The following WDR31 variants were observed in gnomAD, a reference collection of about 807,000 sequenced individuals.
WDR31 encodes the protein WD repeat-containing protein 31.
WDR31 carries 30 observed loss-of-function variants against 47.3 expected under a neutral mutation model. The ratio of observed to expected loss-of-function variants is 0.63; its 90% CI spans 0.47 to 0.86. WDR31 has a LOEUF of 0.86. Among genes scored for constraint, WDR31 ranks in the 40% least tolerant of loss-of-function variants. WDR31 has a pLI of 0.00. For missense variants in WDR31, 406 were observed against 442.9 expected, an observed-to-expected ratio of 0.92 and a Z score of 0.75; for synonymous variants, 137 against 159.4, an observed-to-expected ratio of 0.86 and a Z score of 1.06.
At chr9:113,321,708 G>A (rs1833331111) in intron 7 of WDR31, 130 bp from the exon 8 acceptor site, 1 of 834,046 alleles carries the variant, frequency 1.2e-6, no homozygotes. Flanking sequence ...TCATTTACAG[G>A]CATCTTAGGT....
chr9:113,331,698 C>T (rs568073908), intron 3 of WDR31, among the ~76,000 whole-genome samples: 3 of 152,302 alleles, frequency 2.0e-5, no homozygotes, highest in East Asian at 1.9e-4. Flanking sequence ...CTGTCCCCCT[C>T]GGGCTTCCAA....
At chr9:113,339,974 A>G (rs1833795259) in intron 1 of WDR31, among the ~76,000 whole-genome samples, 1 of 152,086 alleles carries the variant, frequency 6.6e-6, no homozygotes, top group African/African-American at 2.4e-5. Context: ...AGCTCAGGCA[A>G]TCCACCCGCC....
intron 5 of WDR31, among the ~76,000 whole-genome samples, chr9:113,326,214 T>G (rs967540273): frequency 6.6e-6 from 1 of 152,224 alleles, no homozygotes; most frequent in Non-Finnish European, 1.5e-5. Context: ...CCCGGCCCAT[T>G]CACATTCTTT....
chr9:113,325,433 T>C (rs12004577), intron 5 of WDR31, among the ~76,000 whole-genome samples: 4 of 152,126 alleles, frequency 2.6e-5, no homozygotes, highest in Non-Finnish European at 5.9e-5. Flanking sequence ...ATTTTCATTG[T>C]CTTCTTTTTC....
At chr9:113,320,286 A>ACAGGCATGAG in intron 9 of WDR31, 71 bp downstream of exon 9, 1 of 1,575,022 alleles carries the variant, frequency 6.3e-7, no homozygotes, top group Non-Finnish European at 8.6e-7. Context: ...TAGCACAGCT[A>ACAGGCATGAG]CAGGCATGAG....
At chr9:113,331,807 G>A (rs865778193) in intron 3 of WDR31, 100 bp downstream of exon 3, 1 of 1,080,620 alleles carries the variant, frequency 9.3e-7, no homozygotes, top group Admixed American at 2.1e-5. Flanking sequence ...CAACTATTCA[G>A]GGAAGGCCAT....
At chr9:113,333,379 T>A (rs1833642590) in intron 2 of WDR31, among the ~76,000 whole-genome samples, 1 of 140,956 alleles carries the variant, frequency 7.1e-6, no homozygotes, top group Non-Finnish European at 1.6e-5. Context: ...GATTTTTTTT[T>A]TTTTTTTTTT....
Position 113,316,668 on chromosome 9 carries a change from C to T in WDR31, c.*81G>A, listed in dbSNP as rs41276793. On this transcript the variant is annotated 3_prime_UTR_variant, in exon 11 of 11. Coordinates refer to ENST00000374193, the MANE Select transcript of WDR31 (RefSeq NM_001012361.4). ...GAATACCAGCCCTACATCCCACTCC[C>T]CTCAAGATAACTGGGAAAGACACAA... 6.5e-4 allele frequency: 979 copies of T among 1,511,500 alleles called. No homozygotes were observed. Among genetic ancestry groups the T allele is most frequent in the Non-Finnish European group, 8.4e-4 (947 of 1,121,084 alleles). 93.6% of individuals were successfully genotyped at this position (1,511,500 alleles called of 1,614,324 possible).
At chr9:113,327,280 T>C (rs2118820558) in intron 5 of WDR31, among the ~76,000 whole-genome samples, 1 of 152,386 alleles carries the variant, frequency 6.6e-6, no homozygotes, top group South Asian at 2.1e-4. Context: ...GCTTGTTATA[T>C]GTATATTTAA....
At chr9:113,336,163 T>C (rs1186387604) in intron 2 of WDR31, 125 bp downstream of exon 2, 1 of 152,222 alleles carries the variant, frequency 6.6e-6, no homozygotes, top group African/African-American at 2.4e-5. Flanking sequence ...TCACTGGAAA[T>C]TGCAGATGCT....
intron 5 of WDR31, among the ~76,000 whole-genome samples, chr9:113,326,487 G>A (rs1365215968): frequency 2.1e-5 from 3 of 143,320 alleles, no homozygotes; most frequent in African/African-American, 7.8e-5. Flanking sequence ...CTTTCTTTCT[G>A]ACTGGGTCTC....
chr9:113,329,896 G>T (rs1056588213), intron 4 of WDR31, among the ~76,000 whole-genome samples: 3 of 151,928 alleles, frequency 2.0e-5, no homozygotes, highest in Non-Finnish European at 4.4e-5. Context: ...CTGGAGAATC[G>T]CTTGAACCCA....
At position 113,328,866 on chromosome 9, in the gene WDR31, T is replaced by C; in HGVS notation, c.324+15A>G. Reference sequence around the variant, plus strand: ...CAGTTCCAGATTGCCTTCATAATAATCATTTGAAAATTACCTTGGTGATCT... The same window carrying C: ...CAGTTCCAGATTGCCTTCATAATAACCATTTGAAAATTACCTTGGTGATCT... On this transcript the variant is annotated intron_variant, in intron 5 of 10. Transcript: ENST00000374193. 6.2e-7 allele frequency: 1 copy of C among 1,604,176 alleles called. No individual in the cohort carries two copies. The highest frequency in any genetic ancestry group is 2.2e-5 in the East Asian group (1 of 44,842).
chr9:113,320,238 T>C, intron 9 of WDR31, 119 bp downstream of exon 9: 6 of 1,336,970 alleles, frequency 4.5e-6, no homozygotes, highest in Non-Finnish European at 6.1e-6. Context: ...CAGTATGCTT[T>C]TGAAAGAGGC....
In WDR31 at chr9:113,326,251, G is replaced by C. The variant is rs1398830811; in HGVS notation, c.324+2630C>G. ...ATAATATACCTTCAACTATATTATT[G>C]AGGAATGCTTTGCATATGGCAAGAT... On this transcript the variant is annotated intron_variant, in intron 5 of 10. Transcript: ENST00000374193. 3.3e-5 allele frequency among the ~76,000 whole-genome samples: 5 copies of C among 152,166 alleles called. No homozygotes were observed. In the East Asian group the frequency reaches 9.6e-4, roughly 29 times the overall value.
rs866623708 is a variant in WDR31 at position 113,331,006 on chromosome 9, C to T, written c.227G>A (p.Cys76Tyr). ...SVVAALNSDL[C>Y]VSGGKDKTVV... ...CACCTTATCTTTCCCTCCAGAGACACAAAGGTCTGAGTTCAAAGCAGCCAC... is the reference window on the plus strand; with the variant it reads ...CACCTTATCTTTCCCTCCAGAGACATAAAGGTCTGAGTTCAAAGCAGCCAC... Residue 76 changes from cysteine (C) to tyrosine (Y), a missense_variant, in exon 4 of 11, where the codon TGT (cysteine) becomes TAT (tyrosine). Physicochemically the swap from Cys to Tyr is radical, Grantham distance 194. Transcript: ENST00000374193. The T allele has an allele frequency of 2.5e-6, 4 of 1,609,484 alleles. No homozygotes were observed. The highest frequency in any genetic ancestry group is 1.3e-5 in the African/African-American group (1 of 74,870).
At chr9:113,330,078 A>G (rs2118834485) in intron 4 of WDR31, among the ~76,000 whole-genome samples, 1 of 152,292 alleles carries the variant, frequency 6.6e-6, no homozygotes. Flanking sequence ...AAGATTCTAA[A>G]AGGCTATTGA....
intron 9 of WDR31, 107 bp from the exon 10 acceptor site, chr9:113,318,744 C>T (rs1833265775): frequency 8.6e-7 from 1 of 1,161,110 alleles, no homozygotes. Context: ...CACTTACCTG[C>T]TCACGTAGCT....
Position 113,318,400 on chromosome 9 carries a change from T to C in WDR31, c.943+75A>G, listed in dbSNP as rs16932597. 3,540 of 1,567,022 alleles carry C rather than the reference T, an allele frequency of 2.3e-3. 99 individuals carry two copies. In the East Asian group the frequency reaches 0.066, roughly 29 times the overall value. On this transcript the variant is annotated intron_variant, in intron 10 of 10. Coordinates refer to ENST00000374193, the MANE Select transcript of WDR31 (RefSeq NM_001012361.4). ...TGGGTGGCTTTGTAATGCTGAGCAA[T>C]GGGAAGAAGGAGTTTTAAAGAAGGT... is the stretch of plus-strand genomic sequence containing the variant.
Sources: gnomAD v4.1 joint callset for allele counts (sites outside exome capture counted in the v4.1 genomes callset) on GRCh38, gnomAD v4.1.1 for gene constraint, MANE v1.5 for transcripts, NCBI Gene and HGNC (gene_info 2026-07-23, HGNC 2026-07-21) for gene names.